Variants in ULK1 observed in about 807,000 individuals in gnomAD.
The protein encoded by ULK1 is serine/threonine-protein kinase ULK1.
In ULK1, 48 loss-of-function variants were observed where a neutral mutation model predicts 117.5. That is an observed-to-expected ratio of 0.41 (90% CI 0.32 to 0.52). The LOEUF is 0.52. ULK1 is among the 20% of genes least tolerant of loss of function. The probability of loss-of-function intolerance (pLI) is 0.29; values close to 1 mark genes in which losing one functional copy is unlikely to be tolerated. For synonymous variants in ULK1, 790 were observed against 637.8 expected (o/e 1.24, Z -3.60); for missense variants, 1,387 against 1,473.4 (o/e 0.94, Z 0.96).
chr12:131,914,364 G>A lies in ULK1; in HGVS notation c.1260G>A (p.Pro420=), dbSNP rs373464786. 52 of 1,611,054 alleles carry A rather than the reference G, an allele frequency of 3.2e-5. 1 individual carries two copies. Among genetic ancestry groups the A allele is most frequent in the East Asian group, 1.6e-4 (7 of 44,898 alleles). Residue 420 remains proline (P), a synonymous_variant, in exon 16 of 28, where the codon CCG becomes CCA. Transcript: ENST00000321867. ...SSPSPSGRAG[P]FSSSRCGASV... The stretch of plus-strand genomic sequence containing the variant: ...CTCTCCACCACAGCCGGGCTGGCCC[G>A]TTCTCCAGCAGCAGGTGCGGCGCCT...
chr12:131,916,655 C>G (rs1322319816), intron 20 of ULK1, 64 bp downstream of exon 20: 3 of 1,433,830 alleles, frequency 2.1e-6, no homozygotes, highest in Admixed American at 5.6e-5. Flanking sequence ...CTGCATTGTT[C>G]TGCTGGGTAC....
In ULK1 at chr12:131,913,217, G is replaced by A. The variant is rs757968994; in HGVS notation, c.1116G>A (p.Ala372=). 10 of 1,588,382 alleles carry A rather than the reference G, an allele frequency of 6.3e-6. No individual in the cohort carries two copies. The highest frequency in any genetic ancestry group is 1.4e-5 in the African/African-American group (1 of 73,184). ...AQFPGDLVAE[A]PSAKPPPDSL... The stretch of plus-strand genomic sequence containing the variant: ...CTGCAGGTGACCTGGTGGCTGAGGC[G>A]CCCAGTGCCAAACCCCCGCCAGACA... Residue 372 remains alanine, a synonymous_variant, in exon 14 of 28, where the codon GCG becomes GCA. Coordinates refer to ENST00000321867, the MANE Select transcript of ULK1 (RefSeq NM_003565.4).
rs776690237 is a variant in ULK1, at chr12:131,907,530, C to G, written c.315C>G (p.His105Gln). 1 of 1,611,750 alleles carries G rather than the reference C, an allele frequency of 6.2e-7. No individual in the cohort carries two copies. Among genetic ancestry groups the G allele is most frequent in the South Asian group, 1.1e-5 (1 of 90,896 alleles). The part of the protein sequence containing the change: ...CNGGDLADYL[H>Q]AMRTLSEDTI... ...GTGGGGACCTGGCCGACTACCTGCA[C>G]GGTGAGTGCACAGCTGCGCCACCTG... is the stretch of plus-strand genomic sequence containing the variant. The change falls in exon 5 of 28, where the codon CAC becomes CAG. Residue 105 changes from histidine to glutamine, a missense_variant and splice_region_variant. Physicochemically the swap from His to Gln is conservative, Grantham distance 24. This residue lies in a region of ULK1 where 224 missense variants were observed against 325.2 expected (regional missense o/e 0.69). Transcript: ENST00000321867.
Position 131,918,263 on chromosome 12 carries a change from A to C in ULK1, c.2327-234A>C. 1.4e-5 allele frequency: 8 copies of C among 584,572 alleles called. No individual in the cohort carries two copies. The South Asian group carries it at 1.7e-4, about 12-fold the overall frequency. The allele number at this position is 584,572 out of a possible 1,614,324, so 36.2% of individuals were successfully genotyped here. On this transcript the variant is annotated intron_variant, in intron 22 of 27. Coordinates refer to ENST00000321867, the MANE Select transcript of ULK1 (RefSeq NM_003565.4). ...CAGAGGGTCCCTTGGTGGGCACCGC[A>C]GCCCTTGGCCTGAGGTGGGGAGCTG...
Position 131,917,075 on chromosome 12 carries a change from G to GTGGGGCTCGAGGCTGTGGGA in ULK1, c.2182+22_2182+23insAGGCTGTGGGATGGGGCTCG. The GTGGGGCTCGAGGCTGTGGGA allele has an allele frequency of 7.7e-7, 1 of 1,292,462 alleles. No individual in the cohort carries two copies. Among genetic ancestry groups the GTGGGGCTCGAGGCTGTGGGA allele is most frequent in the Admixed American group, 2.3e-5 (1 of 43,752 alleles). The allele number at this position is 1,292,462 out of a possible 1,614,324, so 80.1% of individuals were successfully genotyped here. ...CCCATGGAGATCGGTGTGTGGGTGGGTGGGGCTCGGAGGCTGTGGGATGGG... is the reference window on the plus strand; with the variant it reads ...CCCATGGAGATCGGTGTGTGGGTGGGTGGGGCTCGAGGCTGTGGGATGGGGCTCGGAGGCTGTGGGATGGG... On this transcript the variant is annotated intron_variant, in intron 21 of 27. Transcript: ENST00000321867.
chr12:131,907,002 G>A (rs1055001086), intron 4 of ULK1, 78 bp downstream of exon 4: 6 of 1,588,910 alleles, frequency 3.8e-6, no homozygotes, highest in Admixed American at 1.7e-5. Context: ...GGACATGGCT[G>A]GGGGGAGGGT....
chr12:131,917,102 G>GTTGGGTTCGGC lies in ULK1; in HGVS notation c.2182+41_2182+42insTGGGTTCGGCT, dbSNP rs754598832. 206 of 594,768 alleles carry GTTGGGTTCGGC rather than the reference G, an allele frequency of 3.5e-4. 3 individuals are homozygous for GTTGGGTTCGGC. Among genetic ancestry groups the GTTGGGTTCGGC allele is most frequent in the South Asian group, 1.2e-3 (44 of 36,874 alleles). The allele number at this position is 594,768 out of a possible 1,614,324, so 36.8% of individuals were successfully genotyped here. ...GGGGCTCGGAGGCTGTGGGATGGGG[G>GTTGGGTTCGGC]TCGGAGGCTGTGGGATGGGGGTCGG... On this transcript the variant is annotated intron_variant, in intron 21 of 27. Coordinates refer to ENST00000321867, the MANE Select transcript of ULK1 (RefSeq NM_003565.4).
At chr12:131,920,924 C>T in intron 26 of ULK1, 176 bp from the exon 27 acceptor site, 1 of 889,354 alleles carries the variant, frequency 1.1e-6, no homozygotes, top group South Asian at 1.8e-5. Flanking sequence ...CAGTGTCTCC[C>T]CTTGGCCCTG....
chr12:131,916,887 A>G lies in ULK1; in HGVS notation c.2073-66A>G, dbSNP rs1306677097. 10 of 1,375,240 alleles carry G rather than the reference A, an allele frequency of 7.3e-6. No homozygotes were observed. In the East Asian group the frequency reaches 2.2e-4, roughly 31 times the overall value. The allele number at this position is 1,375,240 out of a possible 1,614,324, so 85.2% of individuals were successfully genotyped here. A position where few individuals can be genotyped will look rare whatever the true frequency, so the allele number is the denominator to read the frequency against. On this transcript the variant is annotated intron_variant, in intron 20 of 27. Transcript: ENST00000321867. ...TCATGTGTGTCTGGCCTGCAGAGGGACCTCTCGAGGTCCAGTTAGGGTGGG... is the reference window on the plus strand; with the variant it reads ...TCATGTGTGTCTGGCCTGCAGAGGGGCCTCTCGAGGTCCAGTTAGGGTGGG...
At chr12:131,917,725 G>A (rs75161260) in intron 22 of ULK1, among the ~76,000 whole-genome samples, 171 bp downstream of exon 22, 41 of 152,278 alleles carry the variant, frequency 2.7e-4, no homozygotes, top group East Asian at 2.5e-3. Flanking sequence ...CCCCGTCTGC[G>A]AAATGGACGT....
At position 131,908,893 on chromosome 12, in the gene ULK1, C is replaced by T. The variant is rs910428495; in HGVS notation, c.491-5C>T. 2 of 1,610,360 alleles carry T rather than the reference C, an allele frequency of 1.2e-6. No individual in the cohort carries two copies. Among genetic ancestry groups the T allele is most frequent in the Middle Eastern group, 1.7e-4 (1 of 6,058 alleles). ...GGCGCCGGTCCTGACGCTTCTCTCCCGCAGCTGACTTCGGCTTCGCGCGGT... is the reference window on the plus strand; with the variant it reads ...GGCGCCGGTCCTGACGCTTCTCTCCTGCAGCTGACTTCGGCTTCGCGCGGT... On this transcript the variant is annotated splice_region_variant and splice_polypyrimidine_tract_variant and intron_variant, in intron 6 of 27. Coordinates refer to ENST00000321867, the MANE Select transcript of ULK1 (RefSeq NM_003565.4).
intron 25 of ULK1, 144 bp downstream of exon 25, chr12:131,919,734 C>A: frequency 9.2e-7 from 1 of 1,082,458 alleles, no homozygotes; most frequent in Non-Finnish European, 1.3e-6. Flanking sequence ...GCCCAGTGTG[C>A]AGAGCACAGA....
intron 26 of ULK1, 170 bp downstream of exon 26, chr12:131,920,306 C>A: frequency 1.1e-6 from 1 of 872,324 alleles, no homozygotes; most frequent in Non-Finnish European, 1.7e-6. Context: ...CAGGCGCTCG[C>A]AGCTCGGCTG....
intron 12 of ULK1, 101 bp downstream of exon 12, chr12:131,910,901 C>G: frequency 6.5e-7 from 1 of 1,532,228 alleles, no homozygotes; most frequent in Non-Finnish European, 8.8e-7. Flanking sequence ...CTTCTGTTGT[C>G]TGTGTGAGTC....
intron 3 of ULK1, among the ~76,000 whole-genome samples, chr12:131,901,257 G>T (rs1889075490): frequency 6.6e-6 from 1 of 151,886 alleles, no homozygotes; most frequent in Non-Finnish European, 1.5e-5. Flanking sequence ...TACTTGTGAG[G>T]CTGAGGCAGG....
At position 131,902,644 on chromosome 12, in the gene ULK1, T is replaced by C. The variant is rs1347153935; in HGVS notation, c.247-4248T>C. On this transcript the variant is annotated intron_variant, in intron 3 of 27. Coordinates refer to ENST00000321867, the MANE Select transcript of ULK1 (RefSeq NM_003565.4). The surrounding 1 kb of genome is among the most constrained non-coding windows in gnomAD (Gnocchi z 6.3). Reference sequence around the variant, plus strand: ...TGTGGAATGGTCAGCAGCCGTTCCCTGTTTCCTCCCTTTAAATAGGCGGCA... The same window carrying C: ...TGTGGAATGGTCAGCAGCCGTTCCCCGTTTCCTCCCTTTAAATAGGCGGCA... 2.0e-5 allele frequency among the ~76,000 whole-genome samples: 3 copies of C among 152,094 alleles called. No individual in the cohort carries two copies. The highest frequency in any genetic ancestry group is 4.4e-5 in the Non-Finnish European group (3 of 67,986).
chr12:131,918,929 TGTGGGGTGCAGGGTGTGTGGGGTGC>T (rs1566129258), intron 23 of ULK1, among the ~76,000 whole-genome samples: 2 of 51,734 alleles, frequency 3.9e-5, no homozygotes. Flanking sequence ...GTGCAGGGTG[TGTGGGGTGCAGGGTGTGTGGGGTGC>T]AGGGTGTGGG....
intron 3 of ULK1, among the ~76,000 whole-genome samples, chr12:131,905,788 G>A (rs1290385537): frequency 6.6e-6 from 1 of 152,208 alleles, no homozygotes; most frequent in Non-Finnish European, 1.5e-5. Context: ...AGTCCCAGGT[G>A]AGGGTGTACG....
chr12:131,921,273 G>C (rs754091700), intron 27 of ULK1, 33 bp from the exon 28 acceptor site: 1 of 1,608,128 alleles, frequency 6.2e-7, no homozygotes, highest in South Asian at 1.1e-5. Context: ...GGGACTCTGG[G>C]CGTCTCCCTC....
Sources: gnomAD v4.1 joint callset for allele counts (sites outside exome capture counted in the v4.1 genomes callset) on GRCh38, gnomAD v4.1.1 for gene constraint, gnomAD v4.1.1 regional missense constraint, Gnocchi (gnomAD v3.1) non-coding constraint, MANE v1.5 for transcripts, NCBI Gene and HGNC (gene_info 2026-07-23, HGNC 2026-07-21) for gene names.